The following INPP5D variants were observed in gnomAD, a reference collection of about 807,000 sequenced individuals.
INPP5D encodes phosphatidylinositol 3,4,5-trisphosphate 5-phosphatase 1.
A neutral mutation model predicts 122.9 loss-of-function variants in INPP5D; 33 were observed. The observed-to-expected ratio is 0.27, with a 90% CI of 0.20 to 0.36. The LOEUF (loss-of-function observed/expected upper bound fraction) is 0.36, where lower values mean the gene tolerates loss of function less well. Ranked by LOEUF, INPP5D falls within the 10% of genes least tolerant of loss-of-function variation. INPP5D has a pLI of 1.00. For missense variants in INPP5D, 1,053 were observed against 1,412.7 expected (o/e 0.75, Z 4.08); for synonymous variants, 584 against 576.2 (o/e 1.01, Z -0.19).
At chr2:233,091,068 G>A (rs1309569240) in intron 2 of INPP5D, among the ~76,000 whole-genome samples, 1 of 152,114 alleles carries the variant, frequency 6.6e-6, no homozygotes, top group Non-Finnish European at 1.5e-5. Context: ...GAAGGTGCTG[G>A]GGAGATACTT....
At chr2:233,065,813 AT>A (rs1691207701) in intron 1 of INPP5D, among the ~76,000 whole-genome samples, 2 of 151,304 alleles carry the variant, frequency 1.3e-5, no homozygotes, top group South Asian at 4.2e-4. Flanking sequence ...TACCTGGCTA[AT>A]TTTTGTATTT....
At chr2:233,125,516 C>CT (rs1693130010) in intron 3 of INPP5D, among the ~76,000 whole-genome samples, 1 of 152,344 alleles carries the variant, frequency 6.6e-6, no homozygotes, top group Non-Finnish European at 1.5e-5. Flanking sequence ...GGAGCAAGGC[C>CT]TTTTGGCCCT....
In INPP5D at chr2:233,171,230, A is replaced by C. The variant is rs568825309; in HGVS notation, c.1989+78A>C. 2.0e-4 allele frequency: 306 copies of C among 1,549,360 alleles called. 6 individuals are homozygous for C. The South Asian group carries it at 3.5e-3, about 18-fold the overall frequency. On this transcript the variant is annotated intron_variant, in intron 17 of 26. Transcript: ENST00000445964. ...GTCTGTTCCCAAAAGGTGAACAGAA[A>C]GTGTCTTCATCCATTAGGCAAAAAA...
chr2:233,095,873 C>T (rs1692127143), intron 2 of INPP5D, among the ~76,000 whole-genome samples: 1 of 152,050 alleles, frequency 6.6e-6, no homozygotes, highest in African/African-American at 2.4e-5. Context: ...TTCTCAGATA[C>T]TGTTTTCAAA....
chr2:233,087,643 T>C (rs1453093206), intron 2 of INPP5D, among the ~76,000 whole-genome samples: 1 of 152,156 alleles, frequency 6.6e-6, no homozygotes, highest in African/African-American at 2.4e-5. Context: ...TTTGAAAATA[T>C]ACATTTTTAT....
chr2:233,102,429 C>T (rs981681386), intron 2 of INPP5D, among the ~76,000 whole-genome samples: 6 of 152,272 alleles, frequency 3.9e-5, no homozygotes, highest in South Asian at 2.1e-4. Context: ...TTTCACATTT[C>T]GTGATTTTCC....
rs1364261175 is a variant in INPP5D, at chr2:233,100,648, G to A, written c.198+21250G>A. Among the ~76,000 whole-genome samples the A allele has an allele frequency of 3.9e-5, 6 of 152,166 alleles. No individual in the cohort carries two copies. Among genetic ancestry groups the A allele is most frequent in the Admixed American group, 3.3e-4 (5 of 15,284 alleles). ...TCCCTGGGATGAGGCTTGGTTCTAC[G>A]GAAGCTGGGGTCGTCACAGCCTGTT... On this transcript the variant is annotated intron_variant, in intron 2 of 26. Coordinates refer to ENST00000445964, the MANE Select transcript of INPP5D (RefSeq NM_001017915.3). The surrounding 1 kb of genome is among the most constrained non-coding windows in gnomAD (Gnocchi z 5.3).
chr2:233,084,710 G>A (rs1188523264), intron 2 of INPP5D, among the ~76,000 whole-genome samples: 7 of 152,218 alleles, frequency 4.6e-5, no homozygotes, highest in Non-Finnish European at 8.8e-5. Flanking sequence ...CGTCTGAGCC[G>A]CCGGGCAAAG....
chr2:233,187,939 G>A (rs1694962024), intron 21 of INPP5D, among the ~76,000 whole-genome samples: 1 of 152,014 alleles, frequency 6.6e-6, no homozygotes, highest in African/African-American at 2.4e-5. Flanking sequence ...GTCCAGCTCA[G>A]GGACCCCTAG....
intron 6 of INPP5D, among the ~76,000 whole-genome samples, chr2:233,142,409 C>G (rs1693652152): frequency 6.6e-6 from 1 of 152,198 alleles, no homozygotes; most frequent in Non-Finnish European, 1.5e-5. Context: ...GTCTCCCCAT[C>G]TGTGAAATGG....
At chr2:233,155,300 T>C (rs1694020425) in intron 9 of INPP5D, among the ~76,000 whole-genome samples, 1 of 151,934 alleles carries the variant, frequency 6.6e-6, no homozygotes, top group South Asian at 2.1e-4. Flanking sequence ...TGATGGAAAA[T>C]AGGAGAGGCA....
intron 2 of INPP5D, among the ~76,000 whole-genome samples, chr2:233,121,121 C>CTTTTT (rs369587747): frequency 3.4e-5 from 4 of 117,648 alleles, no homozygotes; most frequent in African/African-American, 1.2e-4. Flanking sequence ...TTCTTTCTTT[C>CTTTTT]TTTTTTTTTT....
At chr2:233,085,950 T>C (rs1219785525) in intron 2 of INPP5D, among the ~76,000 whole-genome samples, 1 of 152,224 alleles carries the variant, frequency 6.6e-6, no homozygotes, top group East Asian at 1.9e-4. Flanking sequence ...GTTTCCTGTC[T>C]TTGTTACCCA....
At chr2:233,180,192 G>A (rs1694746764) in intron 18 of INPP5D, among the ~76,000 whole-genome samples, 1 of 152,096 alleles carries the variant, frequency 6.6e-6, no homozygotes, top group South Asian at 2.1e-4. Context: ...AAAGTCACAT[G>A]ACCAAGCCCA....
rs1251138266 is a variant in INPP5D, at chr2:233,078,257, A to G, written c.135-1078A>G. On this transcript the variant is annotated intron_variant, in intron 1 of 26. Transcript: ENST00000445964. This position sits in a 1 kb window ranked among gnomAD's most constrained non-coding sequence, Gnocchi z 4.6. ...CCCTCTCCCAAGGTGCTAGCACTTGACAGCCCCCTTTTCCTCTCACAGGTT... is the reference window on the plus strand; with the variant it reads ...CCCTCTCCCAAGGTGCTAGCACTTGGCAGCCCCCTTTTCCTCTCACAGGTT... 6.6e-6 allele frequency among the ~76,000 whole-genome samples: 1 copy of G among 152,218 alleles called. No individual in the cohort carries two copies.
chr2:233,102,869 C>CAAAAAAAAAAAAAAAA, intron 2 of INPP5D, among the ~76,000 whole-genome samples: 2 of 145,994 alleles, frequency 1.4e-5, no homozygotes, highest in African/African-American at 5.2e-5. Context: ...AAAAAACAAC[C>CAAAAAAAAAAAAAAAA]AAAAAACCAC....
chr2:233,133,216 G>A (rs1251383646), intron 5 of INPP5D, among the ~76,000 whole-genome samples: 1 of 152,158 alleles, frequency 6.6e-6, no homozygotes, highest in Non-Finnish European at 1.5e-5. Flanking sequence ...TACAGCATGA[G>A]CCACCATGCC....
chr2:233,130,268 G>A (rs1693282780), intron 4 of INPP5D, among the ~76,000 whole-genome samples: 1 of 152,132 alleles, frequency 6.6e-6, no homozygotes, highest in Non-Finnish European at 1.5e-5. Flanking sequence ...AGCACCCAAA[G>A]GAGCTCATTG....
intron 2 of INPP5D, among the ~76,000 whole-genome samples, chr2:233,114,871 CT>C (rs538448378): frequency 0.2 from 28,284 of 144,748 alleles, 2,847 homozygotes; most frequent in African/African-American, 0.27. Context: ...TTTGTTTCCA[CT>C]TTTTTTTTTT....
Sources: allele counts gnomAD v4.1 joint callset (sites outside exome capture counted in the v4.1 genomes callset), GRCh38; gene constraint gnomAD v4.1.1; non-coding constraint Gnocchi (gnomAD v3.1); transcripts MANE v1.5; gene names NCBI Gene and HGNC (gene_info 2026-07-23, HGNC 2026-07-21).